SPDYE16: variants seen among roughly 807,000 people sequenced by gnomAD.
SPDYE16 encodes the protein speedy/RINGO cell cycle regulator family member E16, also known as speedy protein E16.
Under a neutral mutation model 40.1 loss-of-function variants are expected in SPDYE16, and 5 were observed. That is an observed-to-expected ratio of 0.12 (90% CI 0.07 to 0.26). The LOEUF (loss-of-function observed/expected upper bound fraction) is 0.26, where lower values mean the gene tolerates loss of function less well. Among genes scored for constraint, SPDYE16 ranks in the 10% least tolerant of loss-of-function variants. The probability of loss-of-function intolerance (pLI) is 1.00; values close to 1 mark genes in which losing one functional copy is unlikely to be tolerated. For missense variants in SPDYE16, 98 were observed against 409.8 expected (o/e 0.24, Z 6.57); for synonymous variants, 40 against 154.2 (o/e 0.26, Z 5.49).
intron 5 of SPDYE16, 50 bp downstream of exon 5, chr7:76,537,443 C>T: frequency 2.0e-6 from 1 of 504,552 alleles, no homozygotes; most frequent in Non-Finnish European, 3.5e-6. Flanking sequence ...CTGCGCCCTC[C>T]CCCCAGCCAT....
chr7:76,540,869 G>T (rs3972831), intron 2 of SPDYE16, among the ~76,000 whole-genome samples: 4 of 144,912 alleles, frequency 2.8e-5, no homozygotes, highest in East Asian at 3.9e-4. Flanking sequence ...AAGTTCTGGG[G>T]TTACAGGTGT....
Position 76,541,421 on chromosome 7 carries a change from C to T in SPDYE16, c.39G>A (p.Gln13=). The change falls in exon 2 of 9, where the codon CAG becomes CAA. Residue 13 remains glutamine, a synonymous_variant. Coordinates refer to ENST00000633306, the MANE Select transcript of SPDYE16 (RefSeq NM_001394943.1). Reference sequence around the variant, plus strand: ...GGCTGGTCGTGATCTTTCCCTTAATCTGTCCCCTCTTACGGAACCTAGTCT... The same window carrying T: ...GGCTGGTCGTGATCTTTCCCTTAATTTGTCCCCTCTTACGGAACCTAGTCT... The part of the protein sequence containing the change: ...RTETRFRKRG[Q]IKGKITTSRQ... 2 of 1,534,802 alleles carry T rather than the reference C, an allele frequency of 1.3e-6. No homozygotes were observed. The highest frequency in any genetic ancestry group is 1.2e-5 in the South Asian group (1 of 83,954).
At position 76,536,393 on chromosome 7, in the gene SPDYE16, T is replaced by G. The variant is rs1476942536; in HGVS notation, c.670-136A>C. Reference sequence around the variant, plus strand: ...TCAGTGTTGGGGTGACTGTACTCATTTGGAAATTGCAGGATGGAGGGGTAT... The same window carrying G: ...TCAGTGTTGGGGTGACTGTACTCATGTGGAAATTGCAGGATGGAGGGGTAT... On this transcript the variant is annotated intron_variant, in intron 5 of 8. Coordinates refer to ENST00000633306, the MANE Select transcript of SPDYE16 (RefSeq NM_001394943.1). 4.5e-5 allele frequency: 22 copies of G among 484,548 alleles called. 3 individuals carry two copies. In the East Asian group the frequency reaches 7.2e-4, roughly 16 times the overall value. 30.0% of individuals were successfully genotyped at this position (484,548 alleles called of 1,614,324 possible).
chr7:76,534,433 A>G (rs1479404860), intron 6 of SPDYE16, among the ~76,000 whole-genome samples: 1 of 87,034 alleles, frequency 1.1e-5, no homozygotes, highest in Non-Finnish European at 2.3e-5. Flanking sequence ...GGCCTGGGCA[A>G]CATAGCAAGA....
rs1813192321 is a variant in SPDYE16, at chr7:76,541,827, C to CT, written c.-369dup. Among the ~76,000 whole-genome samples the CT allele has an allele frequency of 7.4e-6, 1 of 134,312 alleles. No homozygotes were observed. Among genetic ancestry groups the CT allele is most frequent in the Non-Finnish European group, 1.6e-5 (1 of 60,740 alleles). 88.1% of individuals were successfully genotyped at this position (134,312 alleles called of 152,430 possible). ...AGGCTGTGTCCTCTCCACTCAAAGC[C>CT]TGAAGCATGTTGGGGTCTCTTCATC... is the stretch of plus-strand genomic sequence containing the variant. On this transcript the variant is annotated 5_prime_UTR_variant, in exon 2 of 9. The change creates a premature stop within an existing upstream ORF in the 5' untranslated region. Transcript: ENST00000633306.
At chr7:76,540,522 C>T in intron 2 of SPDYE16, 176 bp from the exon 3 acceptor site, 2 of 1,237,230 alleles carry the variant, frequency 1.6e-6, no homozygotes, top group Non-Finnish European at 2.1e-6. Context: ...TTCCCCTCCC[C>T]ATTCTTCTCT....
Position 76,533,582 on chromosome 7 carries a change from T to C in SPDYE16, c.*45+67A>G. On this transcript the variant is annotated intron_variant, in intron 8 of 8. Coordinates refer to ENST00000633306, the MANE Select transcript of SPDYE16 (RefSeq NM_001394943.1). ...CCAGGCTTGAAGCCGGATCAAGCAA[T>C]TGGGTTCCTCGGATTTCCAAAATAG... The C allele has an allele frequency of 1.3e-5, 12 of 910,748 alleles. 2 individuals are homozygous for C. Among genetic ancestry groups the C allele is most frequent in the East Asian group, 3.5e-5 (1 of 28,982 alleles). The allele number at this position is 910,748 out of a possible 1,614,324, so 56.4% of individuals were successfully genotyped here. A position where few individuals can be genotyped will look rare whatever the true frequency, so the allele number is the denominator to read the frequency against.
chr7:76,539,737 AC>A lies in SPDYE16; in HGVS notation c.379+390del, dbSNP rs1408197186. ...TGGGATTACAGGCATGAGCTACCAC[AC>A]CCGGCCTTCGTTTTTCTTTTGACAC... is the stretch of plus-strand genomic sequence containing the variant. On this transcript the variant is annotated intron_variant, in intron 3 of 8. Transcript: ENST00000633306. 8.3e-4 allele frequency among the ~76,000 whole-genome samples: 92 copies of A among 110,384 alleles called. 14 individuals are homozygous for A. The highest frequency in any genetic ancestry group is 1.4e-4 in the African/African-American group (3 of 21,058). The allele number at this position is 110,384 out of a possible 152,430, so 72.4% of individuals were successfully genotyped here.
chr7:76,534,163 G>C lies in SPDYE16; in HGVS notation c.756-44C>G. Reference sequence around the variant, plus strand: ...TTGCTGCTCAGGGGCACCACCAGGAGAGGCCTCCGGCTGAGGTCAGCTTCC... The same window carrying C: ...TTGCTGCTCAGGGGCACCACCAGGACAGGCCTCCGGCTGAGGTCAGCTTCC... On this transcript the variant is annotated intron_variant, in intron 6 of 8. Transcript: ENST00000633306. 2.5e-6 allele frequency: 4 copies of C among 1,591,998 alleles called. No homozygotes were observed. The East Asian group carries it at 9.0e-5, about 36-fold the overall frequency.
chr7:76,542,572 T>C (rs1377131305), intron 1 of SPDYE16, among the ~76,000 whole-genome samples: 14,098 of 132,126 alleles, frequency 0.11, 2 homozygotes, highest in South Asian at 0.24. Context: ...GGGAGGAAGA[T>C]TGCCTGAGGC....
intron 3 of SPDYE16, among the ~76,000 whole-genome samples, chr7:76,539,067 CTTTT>C (rs1179456186): frequency 1.8e-5 from 1 of 56,664 alleles, no homozygotes; most frequent in Non-Finnish European, 3.3e-5. Flanking sequence ...CTGAGTCTCT[CTTTT>C]TTTTTTTTTT....
chr7:76,540,997 C>T (rs1362326476), intron 2 of SPDYE16, among the ~76,000 whole-genome samples: 23 of 122,306 alleles, frequency 1.9e-4, no homozygotes, highest in Admixed American at 1.9e-3. Context: ...TTTTGGAGTG[C>T]AGTAGCGTGA....
intron 3 of SPDYE16, among the ~76,000 whole-genome samples, chr7:76,539,447 C>CT (rs1193621613): frequency 0.012 from 377 of 30,282 alleles, 43 homozygotes; most frequent in East Asian, 0.017. Context: ...GCCCTTCCTT[C>CT]TTTTTTTTTT....
chr7:76,538,262 G>A lies in SPDYE16; in HGVS notation c.610+324C>T, dbSNP rs1355406177. 6.2e-3 allele frequency among the ~76,000 whole-genome samples: 497 copies of A among 80,664 alleles called. 1 individual carries two copies. Among genetic ancestry groups the A allele is most frequent in the Middle Eastern group, 0.015 (2 of 130 alleles). The allele number at this position is 80,664 out of a possible 152,430, so 52.9% of individuals were successfully genotyped here. A position where few individuals can be genotyped will look rare whatever the true frequency, so the allele number is the denominator to read the frequency against. ...GTCACCCAGGCTGGAGTGCAGTGGT[G>A]TAGTCATAGCTCACTGCAGCCTCAA... On this transcript the variant is annotated intron_variant, in intron 4 of 8. Transcript: ENST00000633306.
Position 76,534,481 on chromosome 7 carries a change from C to T in SPDYE16, c.756-362G>A, listed in dbSNP as rs566514818. On this transcript the variant is annotated intron_variant, in intron 6 of 8. Coordinates refer to ENST00000633306, the MANE Select transcript of SPDYE16 (RefSeq NM_001394943.1). ...TTAAAAATATAAGAAATATGCCAGA[C>T]GCGGTGGCTCATGCCTGTAATACCA... Among the ~76,000 whole-genome samples the T allele has an allele frequency of 4.1e-4, 35 of 86,062 alleles. 7 individuals carry two copies. The East Asian group carries it at 9.1e-3, about 22-fold the overall frequency. 56.5% of individuals were successfully genotyped at this position (86,062 alleles called of 152,430 possible). A position where few individuals can be genotyped will look rare whatever the true frequency, so the allele number is the denominator to read the frequency against.
chr7:76,541,264 A>G (rs1813175510), intron 2 of SPDYE16, 36 bp downstream of exon 2: 7 of 1,531,794 alleles, frequency 4.6e-6, no homozygotes, highest in East Asian at 4.9e-5. Context: ...GTCTTAGTCA[A>G]TCCTATCCCA....
At chr7:76,534,173 G>A (rs1812986954) in intron 6 of SPDYE16, 54 bp from the exon 7 acceptor site, 3 of 1,586,894 alleles carry the variant, frequency 1.9e-6, no homozygotes, top group Non-Finnish European at 2.6e-6. Context: ...GAGGCCTCCG[G>A]CTGAGGTCAG....
At position 76,532,531 on chromosome 7, in the gene SPDYE16, T is replaced by A. The variant is rs189571915; in HGVS notation, c.*309A>T. ...TTGGCATTCAGCAATATAAAAAGGG[T>A]GGTGGTGCCGCAGGAAAGGGTGGAA... On this transcript the variant is annotated 3_prime_UTR_variant, in exon 9 of 9. Coordinates refer to ENST00000633306, the MANE Select transcript of SPDYE16 (RefSeq NM_001394943.1). 7.9e-5 allele frequency: 20 copies of A among 254,596 alleles called. 5 individuals carry two copies. The highest frequency in any genetic ancestry group is 1.3e-4 in the South Asian group (4 of 31,986). 15.8% of individuals were successfully genotyped at this position (254,596 alleles called of 1,614,324 possible). A position where few individuals can be genotyped will look rare whatever the true frequency, so the allele number is the denominator to read the frequency against.
intron 2 of SPDYE16, among the ~76,000 whole-genome samples, chr7:76,540,828 C>T (rs1430594658): frequency 2.1e-5 from 3 of 141,910 alleles, no homozygotes; most frequent in Non-Finnish European, 4.5e-5. Context: ...AAACTCCTGG[C>T]CTCAAGTGAT....
Sources: gnomAD v4.1 joint callset for allele counts (sites outside exome capture counted in the v4.1 genomes callset) on GRCh38, gnomAD v4.1.1 for gene constraint, MANE v1.5 for transcripts, NCBI Gene and HGNC (gene_info 2026-07-23, HGNC 2026-07-21) for gene names.